GRIN3A: variants seen among roughly 807,000 people sequenced by gnomAD.
GRIN3A encodes glutamate receptor ionotropic, NMDA 3A.
GRIN3A carries 47 observed loss-of-function variants against 92.4 expected under a neutral mutation model. The ratio of observed to expected loss-of-function variants is 0.51; its 90% CI spans 0.40 to 0.65. The LOEUF (loss-of-function observed/expected upper bound fraction) is 0.65, where lower values mean the gene tolerates loss of function less well. Among genes scored for constraint, GRIN3A ranks in the 30% least tolerant of loss-of-function variants. The pLI is 0.00. For synonymous variants in GRIN3A, 527 were observed against 540.6 expected (o/e 0.97, Z 0.35); for missense variants, 1,324 against 1,393.1 (o/e 0.95, Z 0.79).
intron 3 of GRIN3A, among the ~76,000 whole-genome samples, chr9:101,630,667 C>T (rs759112270): frequency 2.0e-5 from 3 of 152,118 alleles, no homozygotes; most frequent in Admixed American, 6.5e-5. Context: ...GTATGCCAGA[C>T]GGTAAGCTAA....
intron 1 of GRIN3A, among the ~76,000 whole-genome samples, chr9:101,695,198 C>G (rs1259531312): frequency 1.3e-5 from 2 of 152,058 alleles, no homozygotes; most frequent in African/African-American, 4.8e-5. Context: ...ACTAAGAGAC[C>G]TGATGTGCAA....
intron 1 of GRIN3A, among the ~76,000 whole-genome samples, chr9:101,691,206 C>A (rs761833885): frequency 7.2e-5 from 11 of 152,044 alleles, no homozygotes; most frequent in Non-Finnish European, 1.5e-4. Context: ...CTTATTCAAT[C>A]ATGAAAAATA....
intron 4 of GRIN3A, among the ~76,000 whole-genome samples, chr9:101,626,639 T>C (rs746666105): frequency 6.6e-6 from 1 of 152,232 alleles, no homozygotes; most frequent in African/African-American, 2.4e-5. Context: ...AAGATTCTGA[T>C]GCAGTAAGTT....
Position 101,634,412 on chromosome 9 carries a change from C to T in GRIN3A, c.2353-6011G>A, listed in dbSNP as rs145132109. Reference sequence around the variant, plus strand: ...ATGAAAGGTGACTTTTGTCTCCACACAACCAATTGATTCTATCTGAATATA... The same window carrying T: ...ATGAAAGGTGACTTTTGTCTCCACATAACCAATTGATTCTATCTGAATATA... On this transcript the variant is annotated intron_variant, in intron 3 of 8. Coordinates refer to ENST00000361820, the MANE Select transcript of GRIN3A (RefSeq NM_133445.3). Among the ~76,000 whole-genome samples, 341 of 149,940 alleles carry T rather than the reference C, an allele frequency of 2.3e-3. 2 individuals are homozygous for T. Among genetic ancestry groups the T allele is most frequent in the African/African-American group, 8.0e-3 (326 of 40,972 alleles).
chr9:101,641,286 G>A (rs1828858518), intron 3 of GRIN3A, among the ~76,000 whole-genome samples: 1 of 152,056 alleles, frequency 6.6e-6, no homozygotes, highest in African/African-American at 2.4e-5. Flanking sequence ...CCATTACTGG[G>A]TATATACCCA....
At chr9:101,616,927 G>T (rs1428042684) in intron 5 of GRIN3A, among the ~76,000 whole-genome samples, 2 of 149,288 alleles carry the variant, frequency 1.3e-5, no homozygotes, top group Non-Finnish European at 3.0e-5. Context: ...AGGGCCGGGC[G>T]CAGTGGCTCA....
intron 1 of GRIN3A, among the ~76,000 whole-genome samples, chr9:101,731,433 AAATAT>A (rs1468364142): frequency 6.6e-5 from 10 of 152,244 alleles, no homozygotes; most frequent in Non-Finnish European, 1.5e-4. Flanking sequence ...AATGCTGCAA[AAATAT>A]AATATGATTA....
At chr9:101,719,386 T>C (rs1260571753) in intron 1 of GRIN3A, among the ~76,000 whole-genome samples, 1 of 146,936 alleles carries the variant, frequency 6.8e-6, no homozygotes, top group African/African-American at 2.5e-5. Flanking sequence ...ACCACTGCAC[T>C]CCAGCCCAGG....
rs28635890 is a variant in GRIN3A, at chr9:101,621,110, T to C, written c.2614+2208A>G. ...GACCAGCCTGGCCAACATGGTGAAA[T>C]CCTGTCTCTACTAAAACTACAAAAA... On this transcript the variant is annotated intron_variant, in intron 5 of 8. Coordinates refer to ENST00000361820, the MANE Select transcript of GRIN3A (RefSeq NM_133445.3). Among the ~76,000 whole-genome samples the C allele has an allele frequency of 9.2e-3, 1,391 of 151,702 alleles. 27 individuals are homozygous for C. Among genetic ancestry groups the C allele is most frequent in the African/African-American group, 0.032 (1,333 of 41,360 alleles).
intron 3 of GRIN3A, among the ~76,000 whole-genome samples, chr9:101,629,923 C>T (rs1311574890): frequency 6.6e-6 from 1 of 152,200 alleles, no homozygotes; most frequent in Non-Finnish European, 1.5e-5. Flanking sequence ...TCTACTACAT[C>T]ATCTTGCATT....
At chr9:101,705,272 G>C (rs780256977) in intron 1 of GRIN3A, among the ~76,000 whole-genome samples, 1 of 152,022 alleles carries the variant, frequency 6.6e-6, no homozygotes, top group Non-Finnish European at 1.5e-5. Flanking sequence ...GCAGAGAACA[G>C]AAGAGGGAGG....
chr9:101,617,480 A>G lies in GRIN3A; in HGVS notation c.2615-3953T>C, dbSNP rs28522780. On this transcript the variant is annotated intron_variant, in intron 5 of 8. Coordinates refer to ENST00000361820, the MANE Select transcript of GRIN3A (RefSeq NM_133445.3). ...CAGAGACATTTATAAAAAATGTTAC[A>G]CAAGAAATAATAAATATTAAATCAC... Among the ~76,000 whole-genome samples the G allele has an allele frequency of 8.9e-3, 1,352 of 152,306 alleles. 24 individuals are homozygous for G. The highest frequency in any genetic ancestry group is 0.031 in the African/African-American group (1,298 of 41,582).
chr9:101,632,315 A>T (rs2118885664), intron 3 of GRIN3A, among the ~76,000 whole-genome samples: 1 of 152,240 alleles, frequency 6.6e-6, no homozygotes, highest in East Asian at 1.9e-4. Context: ...TTATTTTTAT[A>T]ATTTGCCTTC....
intron 1 of GRIN3A, among the ~76,000 whole-genome samples, chr9:101,716,653 G>A (rs1435680289): frequency 2.0e-5 from 3 of 152,052 alleles, no homozygotes; most frequent in Non-Finnish European, 1.5e-5. Flanking sequence ...TACTTGTTAT[G>A]ATTACAGGCC....
intron 1 of GRIN3A, among the ~76,000 whole-genome samples, chr9:101,726,225 G>A (rs1830080833): frequency 6.6e-6 from 1 of 152,170 alleles, no homozygotes; most frequent in Admixed American, 6.5e-5. Context: ...TATAAGAAAT[G>A]TAGTCAGATA....
Position 101,686,882 on chromosome 9 carries a change from C to T in GRIN3A, c.1018G>A (p.Glu340Lys), listed in dbSNP as rs145326290. 36 of 1,614,192 alleles carry T rather than the reference C, an allele frequency of 2.2e-5. No homozygotes were observed. Among genetic ancestry groups the T allele is most frequent in the East Asian group, 8.9e-5 (4 of 44,882 alleles). Residue 340 changes from glutamate (E) to lysine (K), a missense_variant, in exon 2 of 9, where the codon GAA becomes AAA. Transcript: ENST00000361820. ...CDMESIRRIFEITTQFGVMPP... is the reference protein window; with the variant it reads ...CDMESIRRIFKITTQFGVMPP... Reference sequence around the variant, plus strand: ...ATGACCCCAAACTGGGTTGTAATTTCGAAAATCCGCCGGATACTTTCCATG... The same window carrying T: ...ATGACCCCAAACTGGGTTGTAATTTTGAAAATCCGCCGGATACTTTCCATG...
At chr9:101,605,639 G>C (rs1336890202) in intron 6 of GRIN3A, among the ~76,000 whole-genome samples, 1 of 152,204 alleles carries the variant, frequency 6.6e-6, no homozygotes, top group Non-Finnish European at 1.5e-5. Flanking sequence ...ATGGAGGCTG[G>C]TGGTTTCAGG....
intron 3 of GRIN3A, among the ~76,000 whole-genome samples, chr9:101,666,950 C>T (rs1245618535): frequency 6.6e-6 from 1 of 152,018 alleles, no homozygotes; most frequent in Admixed American, 6.6e-5. Context: ...AAGCAGCCAT[C>T]CTAAATGGAT....
intron 1 of GRIN3A, among the ~76,000 whole-genome samples, chr9:101,720,123 T>G (rs909071138): frequency 6.6e-6 from 1 of 152,208 alleles, no homozygotes; most frequent in African/African-American, 2.4e-5. Flanking sequence ...AGTTTGACTG[T>G]GTTGGTCCAT....
Sources: gnomAD v4.1 joint callset for allele counts (sites outside exome capture counted in the v4.1 genomes callset) on GRCh38, gnomAD v4.1.1 for gene constraint, MANE v1.5 for transcripts, NCBI Gene and HGNC (gene_info 2026-07-23, HGNC 2026-07-21) for gene names.